Variants in EPB41L4A observed in about 807,000 individuals in gnomAD.
EPB41L4A encodes the protein erythrocyte membrane protein band 4.1 like 4A.
Under a neutral mutation model 108.6 loss-of-function variants are expected in EPB41L4A, and 100 were observed. The ratio of observed to expected loss-of-function variants is 0.92; its 90% CI spans 0.78 to 1.09. EPB41L4A has a LOEUF of 1.09. EPB41L4A is among the 50% of genes least tolerant of loss of function. The pLI, the probability that EPB41L4A is intolerant of heterozygous loss-of-function variation, is 0.00. For missense variants in EPB41L4A, 1,030 were observed against 842.7 expected (o/e 1.22, Z -2.75); for synonymous variants, 319 against 289.0 (o/e 1.10, Z -1.05).
At chr5:112,363,788 A>G (rs926557621) in intron 1 of EPB41L4A, 3 of 152,230 alleles carry the variant, frequency 2.0e-5, no homozygotes, top group Non-Finnish European at 4.4e-5. Flanking sequence ...TACATAACAC[A>G]GCTGCATGCA....
intron 14 of EPB41L4A, 120 bp downstream of exon 14, chr5:112,205,301 C>T: frequency 1.2e-6 from 1 of 850,002 alleles, no homozygotes; most frequent in South Asian, 1.3e-5. Context: ...TAGAGTCTGC[C>T]CACTTTATCC....
intron 17 of EPB41L4A, among the ~76,000 whole-genome samples, chr5:112,184,828 C>T (rs568091066): frequency 1.3e-5 from 2 of 152,236 alleles, no homozygotes; most frequent in Admixed American, 1.3e-4. Flanking sequence ...GACAGTGTTA[C>T]CAAATCCTCT....
intron 1 of EPB41L4A, among the ~76,000 whole-genome samples, chr5:112,410,608 A>ACT (rs1429501038): frequency 6.6e-6 from 1 of 151,626 alleles, no homozygotes; most frequent in Non-Finnish European, 1.5e-5. Context: ...AGTACCCACA[A>ACT]CTCTCCTCCT....
At chr5:112,241,716 C>A (rs1208961920) in intron 9 of EPB41L4A, among the ~76,000 whole-genome samples, 2 of 152,074 alleles carry the variant, frequency 1.3e-5, no homozygotes, top group African/African-American at 4.8e-5. Flanking sequence ...TGAGCATTCT[C>A]GGATTTGGGA....
intron 16 of EPB41L4A, 74 bp from the exon 17 acceptor site, chr5:112,194,719 A>T (rs1465531042): frequency 1.1e-6 from 1 of 926,998 alleles, no homozygotes; most frequent in Non-Finnish European, 1.6e-6. Context: ...AAAGGTTTAT[A>T]TGGGTCCTCT....
chr5:112,331,871 G>T (rs182010977), intron 1 of EPB41L4A, among the ~76,000 whole-genome samples: 364 of 152,310 alleles, frequency 2.4e-3, no homozygotes, highest in Non-Finnish European at 3.3e-3. Flanking sequence ...TTCTGAGGGC[G>T]TATTAGAACT....
chr5:112,282,882 A>AT (rs1048178453), intron 2 of EPB41L4A, among the ~76,000 whole-genome samples: 1 of 151,542 alleles, frequency 6.6e-6, no homozygotes, highest in Non-Finnish European at 1.5e-5. Context: ...AACCTTTGTA[A>AT]TTTTTTTTCA....
intron 2 of EPB41L4A, 25 bp from the exon 3 acceptor site, chr5:112,280,348 TAAAG>T: frequency 6.2e-7 from 1 of 1,606,200 alleles, no homozygotes; most frequent in East Asian, 2.2e-5. Context: ...AAAGGACAAT[TAAAG>T]AAATTAGTTG....
At chr5:112,390,014 C>T (rs1257434502) in intron 1 of EPB41L4A, among the ~76,000 whole-genome samples, 1 of 152,194 alleles carries the variant, frequency 6.6e-6, no homozygotes, top group Non-Finnish European at 1.5e-5. Context: ...ATAAATTCTG[C>T]ATGTCTCAAT....
At chr5:112,317,115 T>C (rs1458700926) in intron 1 of EPB41L4A, among the ~76,000 whole-genome samples, 2 of 152,146 alleles carry the variant, frequency 1.3e-5, no homozygotes, top group African/African-American at 2.4e-5. Flanking sequence ...CATGAACATA[T>C]AGTGAGCGAC....
At chr5:112,406,030 C>A (rs1315217258) in intron 1 of EPB41L4A, among the ~76,000 whole-genome samples, 1 of 152,180 alleles carries the variant, frequency 6.6e-6, no homozygotes, top group Non-Finnish European at 1.5e-5. Flanking sequence ...CCCCAATATA[C>A]CCTCACACTC....
At chr5:112,271,187 G>A (rs547742341) in intron 4 of EPB41L4A, among the ~76,000 whole-genome samples, 1 of 152,248 alleles carries the variant, frequency 6.6e-6, no homozygotes, top group South Asian at 2.1e-4. Context: ...CAGGCTAGAG[G>A]GGATAGTAAA....
chr5:112,288,253 G>A (rs578023358), intron 2 of EPB41L4A, among the ~76,000 whole-genome samples: 1 of 152,282 alleles, frequency 6.6e-6, no homozygotes, highest in South Asian at 2.1e-4. Flanking sequence ...TTATTCCAGA[G>A]CAATCTGTGG....
In EPB41L4A at chr5:112,411,470, T is replaced by C. The variant is rs920075434; in HGVS notation, c.99+7471A>G. ...TCCCAAACTGAAATTCAGAAATAAA[T>C]GTATTTGCAAATAATATATCATACA... is the stretch of plus-strand genomic sequence containing the variant. On this transcript the variant is annotated intron_variant, in intron 1 of 22. Transcript: ENST00000261486. Among the ~76,000 whole-genome samples, 5 of 152,132 alleles carry C rather than the reference T, an allele frequency of 3.3e-5. 1 individual carries two copies. The highest frequency in any genetic ancestry group is 9.7e-5 in the African/African-American group (4 of 41,426).
chr5:112,380,557 T>TA lies in EPB41L4A; in HGVS notation c.99+38383dup, dbSNP rs1044333433. On this transcript the variant is annotated intron_variant, in intron 1 of 22. Coordinates refer to ENST00000261486, the MANE Select transcript of EPB41L4A (RefSeq NM_022140.5). ...ACCAAGAGATAAATTTGTGGGAAAA[T>TA]ACTTGAATTTACCAGTTACAGGGGA... 2.0e-4 allele frequency among the ~76,000 whole-genome samples: 31 copies of TA among 152,070 alleles called. 1 individual carries two copies. Among genetic ancestry groups the TA allele is most frequent in the African/African-American group, 7.2e-4 (30 of 41,392 alleles).
chr5:112,375,176 G>T (rs1759732082), intron 1 of EPB41L4A, among the ~76,000 whole-genome samples: 1 of 152,096 alleles, frequency 6.6e-6, no homozygotes. Flanking sequence ...GGATCCAAAA[G>T]AAACACTACG....
chr5:112,149,897 A>T (rs956896220), intron 12 of EPB41L4A, among the ~76,000 whole-genome samples: 4 of 152,078 alleles, frequency 2.6e-5, no homozygotes, highest in Admixed American at 1.3e-4. Flanking sequence ...GCCACTTGGG[A>T]GTTAGGAGAT....
At chr5:112,275,272 G>C in intron 4 of EPB41L4A, 54 bp downstream of exon 4, 11 of 1,489,212 alleles carry the variant, frequency 7.4e-6, no homozygotes, top group Admixed American at 2.5e-5. Flanking sequence ...TTTAAATAAA[G>C]CTTTTTGTAT....
At chr5:112,370,871 G>A (rs1389403955) in intron 1 of EPB41L4A, among the ~76,000 whole-genome samples, 9 of 152,204 alleles carry the variant, frequency 5.9e-5, no homozygotes, top group African/African-American at 1.7e-4. Context: ...CCCAGGAGGT[G>A]GAGGTTGCAG....
Sources: gnomAD v4.1 joint callset for allele counts (sites outside exome capture counted in the v4.1 genomes callset) on GRCh38, gnomAD v4.1.1 for gene constraint, MANE v1.5 for transcripts, NCBI Gene and HGNC (gene_info 2026-07-23, HGNC 2026-07-21) for gene names.